The following SLFN12L variants were observed in gnomAD, a reference collection of about 807,000 sequenced individuals.
SLFN12L encodes schlafen family member 12-like.
In SLFN12L, 34 loss-of-function variants were observed where a neutral mutation model predicts 34.8. That is an observed-to-expected ratio of 0.98 (90% CI 0.74 to 1.30). The LOEUF is 1.30. Among genes scored for constraint, SLFN12L ranks in the 50% most tolerant of loss-of-function variants. SLFN12L has a pLI of 0.00. For synonymous variants in SLFN12L, 259 were observed against 247.5 expected, an observed-to-expected ratio of 1.05 and a Z score of -0.44; for missense variants, 703 against 696.2, an observed-to-expected ratio of 1.01 and a Z score of -0.11.
chr17:35,501,911 C>T (rs1437345151), intron 2 of SLFN12L, among the ~76,000 whole-genome samples: 1 of 151,652 alleles, frequency 6.6e-6, no homozygotes, highest in African/African-American at 2.4e-5. Context: ...GAGAGAACAG[C>T]AGCATAAGCG....
chr17:35,468,077 T>C lies in SLFN12L; in HGVS notation c.*6846A>G, dbSNP rs1913743858. ...GGCACACACTACCACGCCCAGCTAA[T>C]TTTTTATGTTTTTTGTAGAGACAGG... is the stretch of plus-strand genomic sequence containing the variant. On this transcript the variant is annotated 3_prime_UTR_variant, in exon 5 of 5. Transcript: ENST00000628453. 6.6e-6 allele frequency among the ~76,000 whole-genome samples: 1 copy of C among 152,094 alleles called. No individual in the cohort carries two copies. The highest frequency in any genetic ancestry group is 6.6e-5 in the Admixed American group (1 of 15,264).
At chr17:35,491,166 G>A in intron 2 of SLFN12L, 1 of 839,890 alleles carries the variant, frequency 1.2e-6, no homozygotes, top group Non-Finnish European at 2.0e-6. Context: ...TCGGGGAGGA[G>A]GAAGGCATCA....
Position 35,467,992 on chromosome 17 carries a change from C to T in SLFN12L, c.*6931G>A, listed in dbSNP as rs919505398. 6.6e-6 allele frequency among the ~76,000 whole-genome samples: 1 copy of T among 152,222 alleles called. No individual in the cohort carries two copies. The highest frequency in any genetic ancestry group is 2.4e-5 in the African/African-American group (1 of 41,446). ...TGGCGTGATCACGATTCACTCCCCA[C>T]TCTACTTCCTGGGTTCAGACAATCC... On this transcript the variant is annotated 3_prime_UTR_variant, in exon 5 of 5. Coordinates refer to ENST00000628453, the MANE Select transcript of SLFN12L (RefSeq NM_001363830.2).
intron 1 of SLFN12L, among the ~76,000 whole-genome samples, chr17:35,525,818 G>C (rs1412819489): frequency 6.6e-6 from 1 of 152,152 alleles, no homozygotes; most frequent in African/African-American, 2.4e-5. Context: ...AAAATAACCA[G>C]CTAGCATCAT....
chr17:35,493,056 T>A (rs1191343310), intron 2 of SLFN12L, among the ~76,000 whole-genome samples: 1 of 151,776 alleles, frequency 6.6e-6, no homozygotes, highest in Non-Finnish European at 1.5e-5. Flanking sequence ...GGTGGTGGGG[T>A]CAAGACAGGT....
rs750329547 is a variant in SLFN12L at position 35,479,786 on chromosome 17, A to T, written c.496T>A (p.Ser166Thr). The T allele has an allele frequency of 1.9e-6, 3 of 1,613,380 alleles. No homozygotes were observed. Among genetic ancestry groups the T allele is most frequent in the Non-Finnish European group, 1.7e-6 (2 of 1,179,550 alleles). Residue 166 changes from serine to threonine, a missense_variant, in exon 3 of 5, where the codon TCC becomes ACC. Physicochemically the swap from Ser to Thr is moderately conservative, Grantham distance 58. Coordinates refer to ENST00000628453, the MANE Select transcript of SLFN12L (RefSeq NM_001363830.2). ...GTTACATCTCTCTTGTACAAACTGG[A>T]GCTCAACGTGGCAATCTGCGGACCA... The part of the protein sequence containing the change: ...TSGPQIATLS[S>T]SLYKRDVTSA...
At chr17:35,533,124 C>T (rs1398070235) in intron 1 of SLFN12L, among the ~76,000 whole-genome samples, 2 of 152,062 alleles carry the variant, frequency 1.3e-5, no homozygotes, top group Non-Finnish European at 2.9e-5. Context: ...TTATATTCTG[C>T]TTTTATCACA....
At chr17:35,487,691 G>GA (rs755188616) in intron 2 of SLFN12L, 720 of 1,507,060 alleles carry the variant, frequency 4.8e-4, no homozygotes, top group Non-Finnish European at 5.7e-4. Flanking sequence ...TTTCTAAGGC[G>GA]AAAAAAAAGT....
At chr17:35,482,462 G>A (rs1914382544) in intron 2 of SLFN12L, among the ~76,000 whole-genome samples, 1 of 152,174 alleles carries the variant, frequency 6.6e-6, no homozygotes, top group Non-Finnish European at 1.5e-5. Context: ...CTCCCCAGGT[G>A]CTGCTGCAGC....
At chr17:35,495,232 C>T (rs769389728) in intron 2 of SLFN12L, among the ~76,000 whole-genome samples, 31 of 152,226 alleles carry the variant, frequency 2.0e-4, no homozygotes, top group Middle Eastern at 6.8e-3. Flanking sequence ...TATTGTTTAT[C>T]TTGTTCACTG....
In SLFN12L at chr17:35,469,605, G is replaced by A. The variant is rs761269169; in HGVS notation, c.*5318C>T. Among the ~76,000 whole-genome samples, 6 of 151,882 alleles carry A rather than the reference G, an allele frequency of 4.0e-5. No individual in the cohort carries two copies. Among genetic ancestry groups the A allele is most frequent in the African/African-American group, 1.2e-4 (5 of 41,394 alleles). On this transcript the variant is annotated 3_prime_UTR_variant, in exon 5 of 5. Transcript: ENST00000628453. The stretch of plus-strand genomic sequence containing the variant: ...ACTATTACCACCCCAGGTTTCTTAC[G>A]ATGATGCCAAATAGGCCCAGGGGCA...
At chr17:35,498,903 A>G (rs1488130015) in intron 2 of SLFN12L, 6 of 706,496 alleles carry the variant, frequency 8.5e-6, no homozygotes, top group Non-Finnish European at 1.3e-5. Context: ...TGATATGCCC[A>G]GCCCTATTCT....
chr17:35,502,984 GA>G (rs36056056), intron 2 of SLFN12L, among the ~76,000 whole-genome samples: 1 of 151,676 alleles, frequency 6.6e-6, no homozygotes, highest in Non-Finnish European at 1.5e-5. Flanking sequence ...TCGTGAAAGA[GA>G]AAAAAAGTTA....
intron 2 of SLFN12L, chr17:35,489,940 TC>T: frequency 7.7e-7 from 1 of 1,304,880 alleles, no homozygotes; most frequent in Non-Finnish European, 1.1e-6. Context: ...GGGACAAAAA[TC>T]CCACAACCAG....
intron 2 of SLFN12L, chr17:35,480,442 T>C (rs35057074): frequency 5.4e-6 from 2 of 372,792 alleles, no homozygotes; most frequent in Non-Finnish European, 9.5e-6. Flanking sequence ...CTTGTCTTTA[T>C]GTGTTCGTTG....
At chr17:35,486,184 G>A (rs936272089) in intron 2 of SLFN12L, among the ~76,000 whole-genome samples, 3 of 152,142 alleles carry the variant, frequency 2.0e-5, no homozygotes, top group Non-Finnish European at 4.4e-5. Flanking sequence ...TCTTTCAGCA[G>A]TGTTTCATAG....
At chr17:35,523,012 C>T (rs1032833551) in intron 1 of SLFN12L, 43 bp from the exon 2 acceptor site, 3 of 447,446 alleles carry the variant, frequency 6.7e-6, no homozygotes, top group East Asian at 3.5e-5. Context: ...GGAGAAGAAT[C>T]ATACTGATTA....
intron 2 of SLFN12L, among the ~76,000 whole-genome samples, chr17:35,496,297 G>A (rs1351990004): frequency 2.0e-5 from 3 of 152,082 alleles, no homozygotes; most frequent in East Asian, 1.9e-4. Context: ...TACATCAGCC[G>A]TGATCGCGCC....
chr17:35,498,430 T>C (rs1915174472), intron 2 of SLFN12L: 3 of 1,301,656 alleles, frequency 2.3e-6, no homozygotes, highest in Non-Finnish European at 1.1e-6. Context: ...CAATATGAAG[T>C]ACAGTTTGGA....
Sources: gnomAD v4.1 joint callset for allele counts (sites outside exome capture counted in the v4.1 genomes callset) on GRCh38, gnomAD v4.1.1 for gene constraint, MANE v1.5 for transcripts, NCBI Gene and HGNC (gene_info 2026-07-23, HGNC 2026-07-21) for gene names.